Variants in ZNF251 observed in about 807,000 individuals in gnomAD.
ZNF251 encodes the protein zinc finger protein 251.
ZNF251 carries 14 observed loss-of-function variants against 13.5 expected under a neutral mutation model. The ratio of observed to expected loss-of-function variants is 1.04; its 90% CI spans 0.69 to 1.63. The LOEUF is 1.63. Ranked by LOEUF, ZNF251 falls within the 40% of genes most tolerant of loss-of-function variation. The pLI, the probability that ZNF251 is intolerant of heterozygous loss-of-function variation, is 0.00. For synonymous variants in ZNF251, 287 were observed against 295.2 expected (o/e 0.97, Z 0.28); for missense variants, 764 against 834.9 (o/e 0.92, Z 1.05).
Position 144,721,862 on chromosome 8 carries a change from C to G in ZNF251, c.1798G>C (p.Gly600Arg). 1 of 1,498,822 alleles carries G rather than the reference C, an allele frequency of 6.7e-7. No individual in the cohort carries two copies. The highest frequency in any genetic ancestry group is 8.9e-7 in the Non-Finnish European group (1 of 1,123,698). 92.8% of individuals were successfully genotyped at this position (1,498,822 alleles called of 1,614,324 possible). The change falls in exon 5 of 5, where the codon GGA (glycine) becomes CGA (arginine). Residue 600 changes from glycine to arginine, a missense_variant. Transcript: ENST00000292562. ...GTTGACTTTCCACTGAAGGCGTTTC[C>G]ACATTCTTGACATTTATAGGGCTTT... ...GEKPYKCQEC[G>R]NAFSGKSTLI...
chr8:144,754,655 G>A (rs968481234), intron 2 of ZNF251, 41 bp downstream of exon 2: 4 of 1,584,958 alleles, frequency 2.5e-6, no homozygotes, highest in African/African-American at 1.3e-5. Flanking sequence ...CTGGGATGGG[G>A]ATGAAGATGA....
chr8:144,730,536 G>A (rs1823662959), intron 4 of ZNF251, among the ~76,000 whole-genome samples: 1 of 131,596 alleles, frequency 7.6e-6, no homozygotes, highest in African/African-American at 2.9e-5. Context: ...GGGTGACACT[G>A]GCATGTGACG....
At chr8:144,732,598 G>A (rs552250234) in intron 4 of ZNF251, among the ~76,000 whole-genome samples, 4 of 150,944 alleles carry the variant, frequency 2.6e-5, no homozygotes, top group Non-Finnish European at 5.9e-5. Context: ...GAATCACGAG[G>A]TCAGGAGATG....
At chr8:144,732,948 G>A (rs141639899) in intron 4 of ZNF251, among the ~76,000 whole-genome samples, 1,881 of 152,162 alleles carry the variant, frequency 0.012, 35 homozygotes, top group African/African-American at 0.043. Flanking sequence ...AAGGCCAGGC[G>A]GGGTGGCTCA....
chr8:144,725,272 C>G (rs372193184), intron 4 of ZNF251, among the ~76,000 whole-genome samples: 2 of 152,242 alleles, frequency 1.3e-5, no homozygotes, highest in African/African-American at 4.8e-5. Context: ...GCCTCGGCCT[C>G]CCAAAGTGCT....
intron 3 of ZNF251, 145 bp downstream of exon 3, chr8:144,754,047 G>A: frequency 7.9e-7 from 1 of 1,260,406 alleles, no homozygotes; most frequent in Non-Finnish European, 1.1e-6. Context: ...CTTTTCCCAT[G>A]GGAAATGTTC....
Position 144,734,384 on chromosome 8 carries a change from C to T in ZNF251, c.278-11002G>A, listed in dbSNP as rs1043542137. On this transcript the variant is annotated intron_variant, in intron 4 of 4. Transcript: ENST00000292562. This position sits in a 1 kb window ranked among gnomAD's most constrained non-coding sequence, Gnocchi z 4.4. ...CACGGGTCTAATCCCTGGCACAAAC[C>T]GGCTACGATTGGTGGGCAAAAGCAA... Among the ~76,000 whole-genome samples the T allele has an allele frequency of 2.0e-5, 3 of 152,238 alleles. No individual in the cohort carries two copies. Among genetic ancestry groups the T allele is most frequent in the Non-Finnish European group, 4.4e-5 (3 of 68,046 alleles).
intron 4 of ZNF251, among the ~76,000 whole-genome samples, chr8:144,744,369 C>T (rs1824314329): frequency 6.6e-6 from 1 of 152,080 alleles, no homozygotes; most frequent in Admixed American, 6.6e-5. Context: ...TGGTGTTGTA[C>T]CTAAAAACTC....
chr8:144,752,171 A>G (rs1437853663), intron 4 of ZNF251, among the ~76,000 whole-genome samples: 2 of 151,604 alleles, frequency 1.3e-5, no homozygotes, highest in African/African-American at 2.4e-5. Flanking sequence ...GCAAGGATAC[A>G]GAAGACCTGA....
intron 4 of ZNF251, among the ~76,000 whole-genome samples, chr8:144,751,953 A>G (rs997893901): frequency 6.6e-6 from 1 of 152,178 alleles, no homozygotes; most frequent in African/African-American, 2.4e-5. Context: ...ATGTATTACC[A>G]GAGACAAACA....
At chr8:144,745,631 C>T (rs576225420) in intron 4 of ZNF251, among the ~76,000 whole-genome samples, 2 of 152,096 alleles carry the variant, frequency 1.3e-5, no homozygotes, top group Non-Finnish European at 2.9e-5. Context: ...ACTGAAACCT[C>T]AGACTCCTAG....
chr8:144,725,149 G>A (rs983467128), intron 4 of ZNF251, among the ~76,000 whole-genome samples: 4 of 152,244 alleles, frequency 2.6e-5, no homozygotes, highest in East Asian at 3.9e-4. Context: ...GAGTAGCTGC[G>A]ACTACAGATG....
chr8:144,745,218 T>C (rs1480959306), intron 4 of ZNF251, among the ~76,000 whole-genome samples: 1 of 147,630 alleles, frequency 6.8e-6, no homozygotes, highest in Non-Finnish European at 1.5e-5. Context: ...GGCACGTGGA[T>C]GTTCAGTTAT....
chr8:144,730,848 C>T (rs960900115), intron 4 of ZNF251, among the ~76,000 whole-genome samples: 1 of 152,184 alleles, frequency 6.6e-6, no homozygotes, highest in East Asian at 1.9e-4. Flanking sequence ...CCTTCAAAGG[C>T]GAACAAACAA....
chr8:144,755,427 C>CCACCGAGGAAG lies in ZNF251; in HGVS notation c.-109_-99dup. The CCACCGAGGAAG allele has an allele frequency of 7.8e-7, 1 of 1,287,844 alleles. No individual in the cohort carries two copies. Among genetic ancestry groups the CCACCGAGGAAG allele is most frequent in the Non-Finnish European group, 1.0e-6 (1 of 988,808 alleles). The allele number at this position is 1,287,844 out of a possible 1,614,324, so 79.8% of individuals were successfully genotyped here. ...CACCTGTTTGCTCGACCCGGGGAAG[C>CCACCGAGGAAG]CACCGAGGAAGCGCCGAGGAGCTGC... On this transcript the variant is annotated 5_prime_UTR_variant, in exon 1 of 5. Transcript: ENST00000292562.
intron 4 of ZNF251, among the ~76,000 whole-genome samples, chr8:144,736,172 C>T (rs917053992): frequency 1.1e-4 from 16 of 151,566 alleles, no homozygotes; most frequent in African/African-American, 2.7e-4. Flanking sequence ...TGAGGACCCT[C>T]GACAGCCTGT....
chr8:144,747,681 C>T (rs929876754), intron 4 of ZNF251, among the ~76,000 whole-genome samples: 3 of 151,318 alleles, frequency 2.0e-5, no homozygotes, highest in Admixed American at 6.6e-5. Flanking sequence ...GCGCGAATCT[C>T]GGCTGACTGC....
chr8:144,747,224 T>A (rs1278822758), intron 4 of ZNF251, among the ~76,000 whole-genome samples: 12 of 152,256 alleles, frequency 7.9e-5, no homozygotes, highest in Admixed American at 7.9e-4. Flanking sequence ...TGACTCGTGT[T>A]ATTTGGAAGT....
chr8:144,725,471 T>G (rs980507603), intron 4 of ZNF251, among the ~76,000 whole-genome samples: 15 of 151,840 alleles, frequency 9.9e-5, no homozygotes, highest in African/African-American at 3.6e-4. Flanking sequence ...TCCTTATTTT[T>G]TTGTAGAGAC....
Sources: gnomAD v4.1 joint callset for allele counts (sites outside exome capture counted in the v4.1 genomes callset) on GRCh38, gnomAD v4.1.1 for gene constraint, Gnocchi (gnomAD v3.1) non-coding constraint, MANE v1.5 for transcripts, NCBI Gene and HGNC (gene_info 2026-07-23, HGNC 2026-07-21) for gene names.